SLC9A3: variants seen among roughly 807,000 people sequenced by gnomAD.
The protein encoded by SLC9A3 is solute carrier family 9 member A3.
SLC9A3 carries 37 observed loss-of-function variants against 86.8 expected under a neutral mutation model. That is an observed-to-expected ratio of 0.43 (90% CI 0.33 to 0.56). The LOEUF (loss-of-function observed/expected upper bound fraction) is 0.56. SLC9A3 is among the 20% of genes least tolerant of loss of function. The probability of loss-of-function intolerance (pLI) is 0.06; values close to 1 mark genes in which losing one functional copy is unlikely to be tolerated. For synonymous variants in SLC9A3, 581 were observed against 528.3 expected (o/e 1.10, Z -1.37); for missense variants, 1,011 against 1,171.9 (o/e 0.86, Z 2.00).
In SLC9A3 at chr5:471,853, G is replaced by C. The variant is rs1000569193; in HGVS notation, c.*1526C>G. ...TTCACAACAGTAAAAAGCTATCAAT[G>C]GGAAATTGTGGACTTTTCCCACCAG... On this transcript the variant is annotated 3_prime_UTR_variant, in exon 17 of 17. Coordinates refer to ENST00000264938, the MANE Select transcript of SLC9A3 (RefSeq NM_004174.4). 2.0e-5 allele frequency: 9 copies of C among 456,484 alleles called. No homozygotes were observed. Among genetic ancestry groups the C allele is most frequent in the Non-Finnish European group, 3.5e-5 (8 of 226,944 alleles). The allele number at this position is 456,484 out of a possible 1,614,324, so 28.3% of individuals were successfully genotyped here. A position where few individuals can be genotyped will look rare whatever the true frequency, so the allele number is the denominator to read the frequency against.
rs775986132 is a variant in SLC9A3 at position 484,540 on chromosome 5, C to T, written c.912G>A (p.Leu304=). 1 of 1,613,074 alleles carries T rather than the reference C, an allele frequency of 6.2e-7. No homozygotes were observed. Among genetic ancestry groups the T allele is most frequent in the South Asian group, 1.1e-5 (1 of 91,086 alleles). Residue 304 remains leucine, a synonymous_variant, in exon 5 of 17, where the codon CTG becomes CTA. Coordinates refer to ENST00000264938, the MANE Select transcript of SLC9A3 (RefSeq NM_004174.4). Reference sequence around the variant, plus strand: ...CTCACGCGAGGATGGCCGACAGCGACAGCATCTCGGACGTCAGGTAGGACA... The same window carrying T: ...CTCACGCGAGGATGGCCGACAGCGATAGCATCTCGGACGTCAGGTAGGACA... ...SYLSYLTSEM[L]SLSAILAITF...
Position 482,163 on chromosome 5 carries a change from G to A in SLC9A3, c.1357-6C>T, listed in dbSNP as rs1394749497. ...AGAGGCTTGATGGTCAGGCCCTGGA[G>A]GACAGGGTCTCGTGACCCTGGTGCC... On this transcript the variant is annotated splice_polypyrimidine_tract_variant and splice_region_variant and intron_variant, in intron 7 of 16. Transcript: ENST00000264938. 1 of 1,606,022 alleles carries A rather than the reference G, an allele frequency of 6.2e-7. No homozygotes were observed. The highest frequency in any genetic ancestry group is 1.1e-5 in the South Asian group (1 of 90,726).
rs377243369 is a variant in SLC9A3 at position 495,300 on chromosome 5, T to C, written c.212-3229A>G. Among the ~76,000 whole-genome samples the C allele has an allele frequency of 8.8e-4, 133 of 150,680 alleles. 11 individuals are homozygous for C. In the East Asian group the frequency reaches 0.014, roughly 16 times the overall value. On this transcript the variant is annotated intron_variant, in intron 1 of 16. Transcript: ENST00000264938. ...CCCCAGACAACCGCGGGCCAGCAAG[T>C]CAGGGACACAGGGACACAGGGACCA...
chr5:487,860 G>T (rs1447292930), intron 3 of SLC9A3, among the ~76,000 whole-genome samples: 2 of 152,064 alleles, frequency 1.3e-5, no homozygotes, highest in Non-Finnish European at 2.9e-5. Flanking sequence ...TAGAGACGGG[G>T]TTTCACCATG....
chr5:517,472 ATCCACTCATCCATCCATCAG>A (rs1217187616), intron 1 of SLC9A3, among the ~76,000 whole-genome samples: 3 of 150,466 alleles, frequency 2.0e-5, no homozygotes, highest in African/African-American at 4.9e-5. Context: ...CCATCTATCC[ATCCACTCATCCATCCATCAG>A]TCCACTCATC....
chr5:476,999 G>C (rs1323572497), intron 11 of SLC9A3: 7 of 515,472 alleles, frequency 1.4e-5, no homozygotes. Context: ...CCTCCTATGA[G>C]AACTGGCTGT....
chr5:491,602 A>G lies in SLC9A3; in HGVS notation c.514+167T>C, dbSNP rs114091136. ...GCTGGGACCTGGGGACGCGCAGGGG[A>G]CTGGCCTTGGTCACGAGGGCCTACG... On this transcript the variant is annotated intron_variant, in intron 2 of 16. Transcript: ENST00000264938. The surrounding 1 kb of genome is among the most constrained non-coding windows in gnomAD (Gnocchi z 9.2). 2.2e-4 allele frequency among the ~76,000 whole-genome samples: 34 copies of G among 152,110 alleles called. No individual in the cohort carries two copies. Among genetic ancestry groups the G allele is most frequent in the Admixed American group, 3.3e-4 (5 of 15,294 alleles).
intron 1 of SLC9A3, among the ~76,000 whole-genome samples, chr5:521,542 C>CA (rs2126661713): frequency 6.6e-6 from 1 of 152,362 alleles, no homozygotes; most frequent in South Asian, 2.1e-4. Context: ...ACAGGAATGG[C>CA]AGCTCTTTTC....
chr5:473,794 C>T (rs573018438), intron 16 of SLC9A3, among the ~76,000 whole-genome samples: 3 of 152,340 alleles, frequency 2.0e-5, no homozygotes, highest in Admixed American at 6.5e-5. Flanking sequence ...CCGCCCCTCT[C>T]CCTGCTCTGA....
chr5:492,465 G>A (rs941172452), intron 1 of SLC9A3, among the ~76,000 whole-genome samples: 1 of 151,174 alleles, frequency 6.6e-6, no homozygotes, highest in African/African-American at 2.4e-5. Flanking sequence ...GGGGAGGGGA[G>A]GGAGGTCCAG....
rs1295569996 is a variant in SLC9A3 at position 497,037 on chromosome 5, G to C, written c.212-4966C>G. On this transcript the variant is annotated intron_variant, in intron 1 of 16. Transcript: ENST00000264938. The surrounding 1 kb of genome is among the most constrained non-coding windows in gnomAD (Gnocchi z 5.4). The stretch of plus-strand genomic sequence containing the variant: ...ACCACTACATTCCAGCCTGGGCGAC[G>C]GAGGCCTTGTCTCAAAAAAAAAATT... Among the ~76,000 whole-genome samples, 5 of 152,074 alleles carry C rather than the reference G, an allele frequency of 3.3e-5. No homozygotes were observed. Among genetic ancestry groups the C allele is most frequent in the African/African-American group, 7.2e-5 (3 of 41,394 alleles).
At chr5:508,573 G>T (rs1356694650) in intron 1 of SLC9A3, among the ~76,000 whole-genome samples, 1 of 133,366 alleles carries the variant, frequency 7.5e-6, no homozygotes, top group East Asian at 2.4e-4. Flanking sequence ...AGGCCTCAGC[G>T]CGCCCGGGGA....
At chr5:484,741 C>T (rs1239419339) in intron 4 of SLC9A3, 44 bp from the exon 5 acceptor site, 4 of 1,598,576 alleles carry the variant, frequency 2.5e-6, no homozygotes, top group East Asian at 2.2e-5. Context: ...CCTTCCGGGC[C>T]CTTCCTTGCC....
At chr5:498,174 C>T (rs1158572337) in intron 1 of SLC9A3, among the ~76,000 whole-genome samples, 2 of 152,250 alleles carry the variant, frequency 1.3e-5, no homozygotes, top group Non-Finnish European at 2.9e-5. Context: ...GGCCACGTCT[C>T]GGTCCGACGC....
chr5:477,564 C>T, intron 10 of SLC9A3, 120 bp from the exon 11 acceptor site: 4 of 636,008 alleles, frequency 6.3e-6, no homozygotes, highest in Non-Finnish European at 1.1e-5. Context: ...GAGACCTGAG[C>T]CCCGGGTTCA....
chr5:497,050 C>CA lies in SLC9A3; in HGVS notation c.212-4980dup, dbSNP rs549749197. Among the ~76,000 whole-genome samples, 36 of 150,198 alleles carry CA rather than the reference C, an allele frequency of 2.4e-4. No homozygotes were observed. Among genetic ancestry groups the CA allele is most frequent in the Middle Eastern group, 3.4e-3 (1 of 290 alleles). ...AGCCTGGGCGACGGAGGCCTTGTCTCAAAAAAAAAATTTTTTTTTTACTTG... is the reference window on the plus strand; with the variant it reads ...AGCCTGGGCGACGGAGGCCTTGTCTCAAAAAAAAAAATTTTTTTTTTACTTG... On this transcript the variant is annotated intron_variant, in intron 1 of 16. Transcript: ENST00000264938. The surrounding 1 kb of genome is among the most constrained non-coding windows in gnomAD (Gnocchi z 5.4).
intron 9 of SLC9A3, 114 bp from the exon 10 acceptor site, chr5:480,079 G>A: frequency 8.1e-7 from 1 of 1,239,524 alleles, no homozygotes; most frequent in Non-Finnish European, 1.1e-6. Flanking sequence ...GACCCTGTAG[G>A]CGCGTTTAAA....
chr5:497,728 CCGGCCGCA>C lies in SLC9A3; in HGVS notation c.212-5665_212-5658del. On this transcript the variant is annotated intron_variant, in intron 1 of 16. Transcript: ENST00000264938. The surrounding 1 kb of genome is among the most constrained non-coding windows in gnomAD (Gnocchi z 5.4). ...CTGCCCCTGTCCTGGGTGGGGTCGC[CCGGCCGCA>C]TCCCCAGCCTCTGCCCCTGTCCCGG... is the stretch of plus-strand genomic sequence containing the variant. Among the ~76,000 whole-genome samples, 1 of 109,254 alleles carries C rather than the reference CCGGCCGCA, an allele frequency of 9.2e-6. No individual in the cohort carries two copies. The highest frequency in any genetic ancestry group is 3.7e-5 in the African/African-American group (1 of 27,170). The allele number at this position is 109,254 out of a possible 152,430, so 71.7% of individuals were successfully genotyped here.
Position 491,315 on chromosome 5 carries a change from C to G in SLC9A3, c.514+454G>C, listed in dbSNP as rs1006980848. On this transcript the variant is annotated intron_variant, in intron 2 of 16. Transcript: ENST00000264938. This position sits in a 1 kb window ranked among gnomAD's most constrained non-coding sequence, Gnocchi z 9.2. ...AGGCAGTGCCCGAGAGATGAAGCAT[C>G]CAAGACCAAAACCGCGCAGCAGTTC... Among the ~76,000 whole-genome samples the G allele has an allele frequency of 1.3e-5, 2 of 152,188 alleles. No individual in the cohort carries two copies. The highest frequency in any genetic ancestry group is 1.3e-4 in the Admixed American group (2 of 15,288).
Sources: gnomAD v4.1 joint callset for allele counts (sites outside exome capture counted in the v4.1 genomes callset) on GRCh38, gnomAD v4.1.1 for gene constraint, Gnocchi (gnomAD v3.1) non-coding constraint, MANE v1.5 for transcripts, NCBI Gene and HGNC (gene_info 2026-07-23, HGNC 2026-07-21) for gene names.